TCF4: variants seen among roughly 807,000 people sequenced by gnomAD.
The protein encoded by TCF4 is SL3-3 enhancer factor 2.
Under a neutral mutation model 82.1 loss-of-function variants are expected in TCF4, and 3 were observed. That is an observed-to-expected ratio of 0.04 (90% CI 0.02 to 0.09). The LOEUF (loss-of-function observed/expected upper bound fraction) is 0.09. TCF4 is among the 10% of genes least tolerant of loss of function. TCF4 has a pLI of 1.00. For missense variants in TCF4, 518 were observed against 852.7 expected (o/e 0.61, Z 4.89); for synonymous variants, 276 against 309.6 (o/e 0.89, Z 1.14).
intron 8 of TCF4, among the ~76,000 whole-genome samples, chr18:55,340,428 A>C (rs2079646312): frequency 6.6e-6 from 1 of 151,862 alleles, no homozygotes; most frequent in African/African-American, 2.4e-5. Flanking sequence ...AAAAAAAAGA[A>C]AAAAATTAGC....
chr18:55,432,439 T>C (rs2095231233), intron 5 of TCF4, among the ~76,000 whole-genome samples: 1 of 152,158 alleles, frequency 6.6e-6, no homozygotes, highest in Non-Finnish European at 1.5e-5. Flanking sequence ...TTACTGTGCT[T>C]CAAATCTTAC....
In TCF4 at chr18:55,224,164, C is replaced by CTTTTTTT. The variant is rs66807288; in HGVS notation, c.*3864_*3870dup. 7.1e-6 allele frequency: 1 copy of CTTTTTTT among 140,538 alleles called. No homozygotes were observed. 8.7% of individuals were successfully genotyped at this position (140,538 alleles called of 1,614,324 possible). A position where few individuals can be genotyped will look rare whatever the true frequency, so the allele number is the denominator to read the frequency against. On this transcript the variant is annotated 3_prime_UTR_variant, in exon 20 of 20. Coordinates refer to ENST00000354452, the MANE Select transcript of TCF4 (RefSeq NM_001083962.2). The stretch of plus-strand genomic sequence containing the variant: ...GGCACTGATACATGGTAAATCTCTG[C>CTTTTTTT]TTTTTTTTTTTTTTTCTTATCTTCA...
Position 55,391,071 on chromosome 18 carries a change from G to A in TCF4, c.369+12383C>T, listed in dbSNP as rs545351960. Reference sequence around the variant, plus strand: ...CTCCTTGAGGGACGATGTCATAGCAGTGGCAGCTGTTGACATTCTTCTTTG... The same window carrying A: ...CTCCTTGAGGGACGATGTCATAGCAATGGCAGCTGTTGACATTCTTCTTTG... On this transcript the variant is annotated intron_variant, in intron 6 of 19. Coordinates refer to ENST00000354452, the MANE Select transcript of TCF4 (RefSeq NM_001083962.2). Among the ~76,000 whole-genome samples the A allele has an allele frequency of 1.2e-3, 178 of 152,328 alleles. 1 individual carries two copies. The highest frequency in any genetic ancestry group is 2.1e-3 in the Non-Finnish European group (146 of 68,036).
intron 5 of TCF4, among the ~76,000 whole-genome samples, chr18:55,453,598 C>T (rs1156695794): frequency 6.6e-6 from 1 of 152,042 alleles, no homozygotes; most frequent in African/African-American, 2.4e-5. Context: ...TGTTATACGA[C>T]TTGGATTAGT....
chr18:55,225,482 G>C lies in TCF4; in HGVS notation c.*2553C>G, dbSNP rs117874302. ...TCCAGTTCCCTAAAGAGTAAACACC[G>C]TATTTTCTTCTGTACACTTATCCTG... On this transcript the variant is annotated 3_prime_UTR_variant, in exon 20 of 20. Coordinates refer to ENST00000354452, the MANE Select transcript of TCF4 (RefSeq NM_001083962.2). 1.3e-5 allele frequency: 2 copies of C among 152,588 alleles called. No homozygotes were observed. Among genetic ancestry groups the C allele is most frequent in the South Asian group, 2.1e-4 (1 of 4,816 alleles). The allele number at this position is 152,588 out of a possible 1,614,324, so 9.5% of individuals were successfully genotyped here. A position where few individuals can be genotyped will look rare whatever the true frequency, so the allele number is the denominator to read the frequency against.
intron 3 of TCF4, among the ~76,000 whole-genome samples, chr18:55,500,703 T>G (rs1446561838): frequency 6.6e-6 from 1 of 152,252 alleles, no homozygotes; most frequent in Non-Finnish European, 1.5e-5. Flanking sequence ...TTCTCTTTTT[T>G]CAAAGTGTTT....
In TCF4 at chr18:55,295,141, C is replaced by CA. The variant is rs146491603; in HGVS notation, c.550-15486_550-15485insT. Among the ~76,000 whole-genome samples, 589 of 152,302 alleles carry CA rather than the reference C, an allele frequency of 3.9e-3. 3 individuals carry two copies. The highest frequency in any genetic ancestry group is 0.014 in the African/African-American group (569 of 41,560). On this transcript the variant is annotated intron_variant, in intron 8 of 19. Transcript: ENST00000354452. ...AAAACTCTCCCATTTCACCTGCCCC[C>CA]TAATTCTTTCTGTTCTTCATCCCGT...
intron 3 of TCF4, among the ~76,000 whole-genome samples, chr18:55,569,983 G>A (rs950275765): frequency 6.6e-6 from 1 of 152,090 alleles, no homozygotes; most frequent in African/African-American, 2.4e-5. Context: ...AAAGTGGGGA[G>A]GAAGGGCTTT....
At chr18:55,319,844 T>C (rs1462803447) in intron 8 of TCF4, among the ~76,000 whole-genome samples, 4 of 152,150 alleles carry the variant, frequency 2.6e-5, no homozygotes, top group African/African-American at 9.7e-5. Flanking sequence ...AGTTAAAAGG[T>C]ACAAAACTTA....
intron 15 of TCF4, among the ~76,000 whole-genome samples, chr18:55,239,500 A>AGT (rs59375888): frequency 0.045 from 6,902 of 151,926 alleles, 513 homozygotes; most frequent in African/African-American, 0.16. Flanking sequence ...GTTTTAAAAC[A>AGT]GTGTGTGTGT....
chr18:55,493,755 C>A (rs1045358565), intron 3 of TCF4, among the ~76,000 whole-genome samples: 1 of 151,868 alleles, frequency 6.6e-6, no homozygotes, highest in Non-Finnish European at 1.5e-5. Flanking sequence ...TATCCAAATA[C>A]CAAAATGCCT....
At chr18:55,276,921 T>C (rs955481562) in intron 9 of TCF4, among the ~76,000 whole-genome samples, 2 of 152,222 alleles carry the variant, frequency 1.3e-5, no homozygotes, top group South Asian at 2.1e-4. Flanking sequence ...CATTTCATAT[T>C]GGGAGGAATA....
chr18:55,369,566 A>G (rs1012236025), intron 6 of TCF4, among the ~76,000 whole-genome samples: 1 of 152,212 alleles, frequency 6.6e-6, no homozygotes, highest in Non-Finnish European at 1.5e-5. Flanking sequence ...GCAAGGAAAT[A>G]CACATTCCCC....
intron 8 of TCF4, among the ~76,000 whole-genome samples, chr18:55,343,514 A>C (rs1355337637): frequency 6.6e-6 from 1 of 152,164 alleles, no homozygotes; most frequent in Non-Finnish European, 1.5e-5. Flanking sequence ...AGAATTCTTA[A>C]AATGTTCCTT....
chr18:55,353,194 C>A (rs2082671555), intron 6 of TCF4, among the ~76,000 whole-genome samples: 1 of 152,120 alleles, frequency 6.6e-6, no homozygotes, highest in Non-Finnish European at 1.5e-5. Context: ...CACACACTTG[C>A]TATACTGTCT....
intron 15 of TCF4, 70 bp from the exon 16 acceptor site, chr18:55,234,753 G>C (rs1373695644): frequency 1.9e-6 from 3 of 1,610,380 alleles, no homozygotes; most frequent in Admixed American, 1.7e-5. Context: ...CAGAGGCCAA[G>C]AGGACCTGAT....
rs1296286471 is a variant in TCF4 at position 55,411,965 on chromosome 18, T to C, written c.305-8447A>G. On this transcript the variant is annotated intron_variant, in intron 5 of 19. Coordinates refer to ENST00000354452, the MANE Select transcript of TCF4 (RefSeq NM_001083962.2). Reference sequence around the variant, plus strand: ...CATGTTGGTCAGGCTGGTCTTGAACTCCCGACCTCAAGTGATCTACCTGCC... The same window carrying C: ...CATGTTGGTCAGGCTGGTCTTGAACCCCCGACCTCAAGTGATCTACCTGCC... Among the ~76,000 whole-genome samples the C allele has an allele frequency of 2.0e-5, 3 of 152,172 alleles. No individual in the cohort carries two copies. The East Asian group carries it at 5.8e-4, about 29-fold the overall frequency.
rs201837427 is a variant in TCF4 at position 55,275,781 on chromosome 18, T to C, written c.656-29A>G. 1.7e-5 allele frequency: 27 copies of C among 1,613,614 alleles called. No individual in the cohort carries two copies. In the East Asian group the frequency reaches 6.0e-4, roughly 36 times the overall value. ...TAAAGGACAAAGACAACCATGACTTTCTGAGGCATTCAGCCTTGCCTTATA... is the reference window on the plus strand; with the variant it reads ...TAAAGGACAAAGACAACCATGACTTCCTGAGGCATTCAGCCTTGCCTTATA... On this transcript the variant is annotated intron_variant, in intron 9 of 19. Coordinates refer to ENST00000354452, the MANE Select transcript of TCF4 (RefSeq NM_001083962.2).
At chr18:55,381,018 A>G (rs979754365) in intron 6 of TCF4, among the ~76,000 whole-genome samples, 1 of 152,194 alleles carries the variant, frequency 6.6e-6, no homozygotes, top group African/African-American at 2.4e-5. Flanking sequence ...ATCTTTTCTA[A>G]TTAGGGTCTA....
Sources: allele counts gnomAD v4.1 joint callset (sites outside exome capture counted in the v4.1 genomes callset), GRCh38; gene constraint gnomAD v4.1.1; transcripts MANE v1.5; gene names NCBI Gene and HGNC (gene_info 2026-07-23, HGNC 2026-07-21).